Variants in CCDC141 observed in about 807,000 individuals in gnomAD.
The protein encoded by CCDC141 is coiled-coil domain-containing protein 141.
A neutral mutation model predicts 181.0 loss-of-function variants in CCDC141; 168 were observed. That is an observed-to-expected ratio of 0.93 (90% CI 0.82 to 1.05). The LOEUF (loss-of-function observed/expected upper bound fraction) is 1.05. CCDC141 is among the 50% of genes least tolerant of loss of function. The pLI is 0.00. For missense variants in CCDC141, 1,902 were observed against 1,788.5 expected (o/e 1.06, Z -1.14); for synonymous variants, 666 against 642.3 (o/e 1.04, Z -0.56).
At chr2:179,015,065 G>GATATATATAT (rs1326648706) in intron 2 of CCDC141, among the ~76,000 whole-genome samples, 217 of 10,930 alleles carry the variant, frequency 0.02, 25 homozygotes, top group African/African-American at 0.039. Context: ...GAGAGAGACA[G>GATATATATAT]AGATATATAT....
intron 6 of CCDC141, among the ~76,000 whole-genome samples, chr2:178,925,487 C>A (rs1688873927): frequency 2.0e-5 from 3 of 152,178 alleles, no homozygotes; most frequent in Admixed American, 2.0e-4. Context: ...ATAAACAAAT[C>A]TTCAAAATAG....
chr2:178,825,373 C>G (rs1684108242), downstream of CCDC141: 1 of 152,140 alleles, frequency 6.6e-6, no homozygotes, highest in African/African-American at 2.4e-5. Flanking sequence ...ATCATCCACT[C>G]CAGGATGTGA....
rs1273197436 is a variant in CCDC141 at position 178,975,089 on chromosome 2, G to A, written c.494C>T (p.Ser165Leu). ...ATGATGTTCATGAAGCTGAAGAAGT[G>A]ATTTTAAGGACTCAGCACTCTCAAA... ...HEFESAESLK[S>L]LLQLHEHHTK... Residue 165 changes from serine (S) to leucine (L), a missense_variant, in exon 4 of 24, where the codon TCA becomes TTA. Transcript: ENST00000443758. The A allele has an allele frequency of 5.9e-6, 9 of 1,525,664 alleles. No individual in the cohort carries two copies. Among genetic ancestry groups the A allele is most frequent in the Non-Finnish European group, 6.2e-6 (7 of 1,128,332 alleles). 94.5% of individuals were successfully genotyped at this position (1,525,664 alleles called of 1,614,324 possible). A position where few individuals can be genotyped will look rare whatever the true frequency, so the allele number is the denominator to read the frequency against.
chr2:178,906,784 G>T (rs1687991412), intron 7 of CCDC141, among the ~76,000 whole-genome samples: 1 of 152,186 alleles, frequency 6.6e-6, no homozygotes, highest in Non-Finnish European at 1.5e-5. Context: ...AAGACCTGAA[G>T]GAGACCAGGC....
chr2:178,951,170 C>A lies in CCDC141; in HGVS notation c.781-6519G>T, dbSNP rs925526171. On this transcript the variant is annotated intron_variant, in intron 5 of 23. Coordinates refer to ENST00000443758, the MANE Select transcript of CCDC141 (RefSeq NM_173648.4). ...TCAGGAGAGGAAACAGAGCCCCATCCAGTGTCTTGGCAATGTGTATCCCTG... is the reference window on the plus strand; with the variant it reads ...TCAGGAGAGGAAACAGAGCCCCATCAAGTGTCTTGGCAATGTGTATCCCTG... 6.8e-4 allele frequency among the ~76,000 whole-genome samples: 104 copies of A among 152,218 alleles called. 3 individuals are homozygous for A. Among genetic ancestry groups the A allele is most frequent in the Non-Finnish European group, 2.9e-5 (2 of 68,036 alleles).
At chr2:178,859,435 C>G (rs76615398) in intron 17 of CCDC141, among the ~76,000 whole-genome samples, 1,553 of 152,178 alleles carry the variant, frequency 0.01, 9 homozygotes, top group Middle Eastern at 0.068. Flanking sequence ...TAACTTTAGT[C>G]AACTTGTCAA....
At chr2:178,818,083 G>A in the CCDC141 span, among the ~76,000 whole-genome samples, 3 of 152,110 alleles carry the variant, frequency 2.0e-5, no homozygotes, top group Non-Finnish European at 2.9e-5. Flanking sequence ...GATTACAGGC[G>A]TGAGCCACCG....
In CCDC141 at chr2:178,944,534, C is replaced by T; in HGVS notation, c.897+1G>A. The T allele has an allele frequency of 7.0e-7, 1 of 1,422,294 alleles. No homozygotes were observed. The highest frequency in any genetic ancestry group is 9.5e-7 in the Non-Finnish European group (1 of 1,048,192). 88.1% of individuals were successfully genotyped at this position (1,422,294 alleles called of 1,614,324 possible). A position where few individuals can be genotyped will look rare whatever the true frequency, so the allele number is the denominator to read the frequency against. ...TTTAGTGTGTCTAATATATCTCTTA[C>T]CTTTGCTTTTATTATCAGTTCCTCT... On this transcript the variant is annotated splice_donor_variant, in intron 6 of 23. Coordinates refer to ENST00000443758, the MANE Select transcript of CCDC141 (RefSeq NM_173648.4). LOFTEE classifies it high-confidence loss of function.
chr2:178,822,152 C>G, the CCDC141 span, among the ~76,000 whole-genome samples: 9 of 151,216 alleles, frequency 6.0e-5, no homozygotes, highest in East Asian at 1.8e-3. Flanking sequence ...CAAACTATCG[C>G]AAGGACAAAA....
Position 178,871,300 on chromosome 2 carries a change from G to C in CCDC141, c.2205+127C>G, listed in dbSNP as rs575249117. On this transcript the variant is annotated intron_variant, in intron 14 of 23. Coordinates refer to ENST00000443758, the MANE Select transcript of CCDC141 (RefSeq NM_173648.4). ...AAAATGTCTCTACAGTGGATTTTTA[G>C]ACAAGCAATACTTTTGTTTAAAAAA... The C allele has an allele frequency of 1.4e-4, 162 of 1,133,844 alleles. 2 individuals carry two copies. The South Asian group carries it at 2.5e-3, about 17-fold the overall frequency. 70.2% of individuals were successfully genotyped at this position (1,133,844 alleles called of 1,614,324 possible).
At chr2:178,941,652 C>T (rs1251741064) in intron 6 of CCDC141, among the ~76,000 whole-genome samples, 1 of 151,794 alleles carries the variant, frequency 6.6e-6, no homozygotes. Context: ...AACGAACCTC[C>T]CCCTTTAGAA....
chr2:178,952,835 C>T (rs1281981294), intron 5 of CCDC141, among the ~76,000 whole-genome samples: 1 of 152,160 alleles, frequency 6.6e-6, no homozygotes, highest in East Asian at 1.9e-4. Flanking sequence ...TGGCCTTATG[C>T]CAGCCAATGT....
At chr2:178,920,970 T>G (rs1688664657) in intron 6 of CCDC141, among the ~76,000 whole-genome samples, 1 of 152,200 alleles carries the variant, frequency 6.6e-6, no homozygotes, top group Non-Finnish European at 1.5e-5. Context: ...ATTATTATTT[T>G]TTCTAGTATT....
intron 18 of CCDC141, 72 bp from the exon 19 acceptor site, chr2:178,855,613 G>A: frequency 9.9e-7 from 1 of 1,013,802 alleles, no homozygotes; most frequent in Non-Finnish European, 1.4e-6. Flanking sequence ...TAAATACTGA[G>A]AGAAAAACTG....
intron 8 of CCDC141, among the ~76,000 whole-genome samples, chr2:178,893,536 C>T (rs1300447049): frequency 1.3e-5 from 2 of 152,124 alleles, no homozygotes; most frequent in East Asian, 3.9e-4. Context: ...TGTCTATGGA[C>T]AAATTATACT....
At chr2:178,981,180 A>G (rs1436055692) in intron 2 of CCDC141, among the ~76,000 whole-genome samples, 1 of 152,200 alleles carries the variant, frequency 6.6e-6, no homozygotes, top group Non-Finnish European at 1.5e-5. Context: ...ATCAGTAATC[A>G]TTATATCCAG....
chr2:178,918,796 G>A lies in CCDC141; in HGVS notation c.1009C>T (p.Leu337Phe). ...ATGAGTTGACCAAATTCTTCTTGAA[G>A]CTGACTGAGTTTCTGGTGAGAGAGC... ...LQLSHQKLSQ[L>F]QEEFGQLMVE... Residue 337 changes from leucine (L) to phenylalanine (F), a missense_variant, in exon 7 of 24, where the codon CTT becomes TTT. Coordinates refer to ENST00000443758, the MANE Select transcript of CCDC141 (RefSeq NM_173648.4). 6.4e-7 allele frequency: 1 copy of A among 1,550,590 alleles called. No individual in the cohort carries two copies. The highest frequency in any genetic ancestry group is 8.7e-7 in the Non-Finnish European group (1 of 1,146,992).
intron 6 of CCDC141, among the ~76,000 whole-genome samples, chr2:178,938,748 C>G (rs1689390561): frequency 6.6e-6 from 1 of 152,022 alleles, no homozygotes; most frequent in African/African-American, 2.4e-5. Flanking sequence ...ATTTTCAAGG[C>G]TCTATCTTAC....
rs372927180 is a variant in CCDC141, at chr2:178,902,741, T to C, written c.1265+2588A>G. On this transcript the variant is annotated intron_variant, in intron 8 of 23. Transcript: ENST00000443758. ...CCACCAAAAGCAATGGCAACAAAAG[T>C]CAAAATTGACAAATGGGATCTAATT... Among the ~76,000 whole-genome samples the C allele has an allele frequency of 1.9e-4, 27 of 145,414 alleles. 1 individual carries two copies. The highest frequency in any genetic ancestry group is 4.4e-4 in the East Asian group (2 of 4,504).
Sources: allele counts gnomAD v4.1 joint callset (sites outside exome capture counted in the v4.1 genomes callset), GRCh38; gene constraint gnomAD v4.1.1; transcripts MANE v1.5; gene names NCBI Gene and HGNC (gene_info 2026-07-23, HGNC 2026-07-21).